PCDH15: variants seen among roughly 807,000 people sequenced by gnomAD.
The protein encoded by PCDH15 is protocadherin-15.
In PCDH15, 129 loss-of-function variants were observed where a neutral mutation model predicts 178.5. That is an observed-to-expected ratio of 0.72 (90% CI 0.63 to 0.84). PCDH15 has a LOEUF of 0.84. Ranked by LOEUF, PCDH15 falls within the 40% of genes least tolerant of loss-of-function variation. PCDH15 has a pLI of 0.00. For synonymous variants in PCDH15, 800 were observed against 732.0 expected (o/e 1.09, Z -1.50); for missense variants, 2,230 against 2,099.9 (o/e 1.06, Z -1.21).
chr10:54,196,249 T>C (rs1180756932), intron 10 of PCDH15, among the ~76,000 whole-genome samples: 1 of 152,118 alleles, frequency 6.6e-6, no homozygotes, highest in Non-Finnish European at 1.5e-5. Context: ...TTCACGCCAT[T>C]CTCCTGCCTC....
At chr10:55,562,834 A>C (rs1009220840) in intron 2 of PCDH15, among the ~76,000 whole-genome samples, 1 of 152,042 alleles carries the variant, frequency 6.6e-6, no homozygotes, top group African/African-American at 2.4e-5. Context: ...GAATTCTGGG[A>C]AGATGATGGA....
chr10:53,920,942 G>T (rs930487487), intron 25 of PCDH15, among the ~76,000 whole-genome samples: 1 of 152,082 alleles, frequency 6.6e-6, no homozygotes, highest in Non-Finnish European at 1.5e-5. Context: ...TCTTTGCTGT[G>T]TTCATTAGTC....
intron 1 of PCDH15, among the ~76,000 whole-genome samples, chr10:54,673,013 A>T (rs935980206): frequency 1.3e-5 from 2 of 151,906 alleles, no homozygotes; most frequent in African/African-American, 4.8e-5. Flanking sequence ...TACATTCCTA[A>T]TTTTTTTTCT....
At chr10:54,382,079 C>T (rs917533223) in intron 3 of PCDH15, among the ~76,000 whole-genome samples, 2 of 152,034 alleles carry the variant, frequency 1.3e-5, no homozygotes, top group Admixed American at 1.3e-4. Flanking sequence ...AAAATATTAG[C>T]ACAGTTAAAT....
In PCDH15 at chr10:54,833,038, ATTT is replaced by A. The variant is rs1297328846; in HGVS notation, c.-29+64409_-29+64411del. On this transcript the variant is annotated intron_variant, in intron 3 of 5. Coordinates refer to the PCDH15 transcript ENST00000458638. ...GACTAAGAAAAAAGCAAAATATATT[ATTT>A]ATTTACTTATTTACAATATACCAGG... 2.6e-5 allele frequency among the ~76,000 whole-genome samples: 4 copies of A among 152,124 alleles called. No homozygotes were observed. The East Asian group carries it at 7.7e-4, about 29-fold the overall frequency.
intron 2 of PCDH15, among the ~76,000 whole-genome samples, chr10:54,973,324 C>G (rs117204750): frequency 1.3e-5 from 2 of 152,258 alleles, no homozygotes; most frequent in East Asian, 3.9e-4. Flanking sequence ...AATCAGTTTT[C>G]ATTCCTTGAA....
intron 5 of PCDH15, among the ~76,000 whole-genome samples, chr10:54,358,815 G>A (rs1945492824): frequency 1.3e-5 from 2 of 151,744 alleles, no homozygotes; most frequent in Non-Finnish European, 2.9e-5. Context: ...TATACACCAT[G>A]GAATACTATG....
At chr10:54,250,841 T>C (rs2056414650) in intron 8 of PCDH15, among the ~76,000 whole-genome samples, 1 of 152,128 alleles carries the variant, frequency 6.6e-6, no homozygotes, top group South Asian at 2.1e-4. Context: ...TCCCAATCTC[T>C]CTCTCACACA....
At chr10:55,324,749 T>C (rs565172803) in intron 2 of PCDH15, among the ~76,000 whole-genome samples, 4 of 151,972 alleles carry the variant, frequency 2.6e-5, no homozygotes, top group African/African-American at 9.7e-5. Context: ...CAAATAGACA[T>C]CTACAGAAAT....
intron 25 of PCDH15, among the ~76,000 whole-genome samples, chr10:53,906,450 C>A (rs1416492991): frequency 2.6e-5 from 4 of 152,134 alleles, no homozygotes; most frequent in African/African-American, 9.7e-5. Context: ...GTATCTCCTA[C>A]ATCTATCAGT....
At chr10:54,887,423 T>C (rs1380606006) in intron 3 of PCDH15, among the ~76,000 whole-genome samples, 1 of 152,154 alleles carries the variant, frequency 6.6e-6, no homozygotes, top group Non-Finnish European at 1.5e-5. Context: ...GTTGAGATTC[T>C]AAGTGATTAT....
At position 54,445,639 on chromosome 10, in the gene PCDH15, A is replaced by G. The variant is rs1178275107; in HGVS notation, c.158-66697T>C. ...TAAACACAGTTTCTAATAAATGTCT[A>G]TTTTTTTCTGTGAAATTAAACCACT... is the stretch of plus-strand genomic sequence containing the variant. On this transcript the variant is annotated intron_variant, in intron 3 of 37. Transcript: ENST00000644397. Among the ~76,000 whole-genome samples the G allele has an allele frequency of 2.6e-5, 4 of 151,350 alleles. No individual in the cohort carries two copies. In the Admixed American group the frequency reaches 2.6e-4, roughly 10 times the overall value.
At chr10:54,004,001 A>G (rs1468696567) in intron 20 of PCDH15, among the ~76,000 whole-genome samples, 2 of 152,130 alleles carry the variant, frequency 1.3e-5, no homozygotes, top group Non-Finnish European at 2.9e-5. Flanking sequence ...AAATCAATCA[A>G]TGTGATATAT....
At chr10:54,808,848 A>G (rs1468034107) in intron 3 of PCDH15, among the ~76,000 whole-genome samples, 1 of 152,146 alleles carries the variant, frequency 6.6e-6, no homozygotes, top group African/African-American at 2.4e-5. Flanking sequence ...ATATAGAAGC[A>G]GGGATACCTT....
At chr10:54,251,822 T>G (rs2056498803) in intron 8 of PCDH15, among the ~76,000 whole-genome samples, 1 of 152,008 alleles carries the variant, frequency 6.6e-6, no homozygotes, top group South Asian at 2.1e-4. Context: ...GTTTAATTAT[T>G]TCATTTTTCT....
Position 54,148,595 on chromosome 10 carries a change from T to G in PCDH15, c.1784+4505A>C, listed in dbSNP as rs192834620. 2.6e-4 allele frequency among the ~76,000 whole-genome samples: 39 copies of G among 152,144 alleles called. No individual in the cohort carries two copies. In the East Asian group the frequency reaches 6.4e-3, roughly 25 times the overall value. On this transcript the variant is annotated intron_variant, in intron 14 of 37. Coordinates refer to ENST00000644397, the MANE Select transcript of PCDH15 (RefSeq NM_001384140.1). ...GAAGCCGTGGATATGGAGGGCCAAG[T>G]GTATATTTGCTTTTTGGATATATTA...
At chr10:53,814,527 G>C (rs370915208) in intron 35 of PCDH15, among the ~76,000 whole-genome samples, 2 of 152,240 alleles carry the variant, frequency 1.3e-5, no homozygotes, top group East Asian at 3.9e-4. Context: ...CAGCAAGATA[G>C]CCCTTGATTC....
intron 3 of PCDH15, among the ~76,000 whole-genome samples, chr10:54,417,528 A>C (rs1483377567): frequency 1.3e-5 from 2 of 152,190 alleles, no homozygotes; most frequent in African/African-American, 4.8e-5. Flanking sequence ...TTTCTTTTCA[A>C]TGATATAGAG....
intron 2 of PCDH15, among the ~76,000 whole-genome samples, chr10:55,009,856 C>A (rs781025300): frequency 9.9e-5 from 15 of 152,108 alleles, no homozygotes; most frequent in Non-Finnish European, 1.8e-4. Flanking sequence ...TTAATGGTAT[C>A]TGTTTCTCAG....
Sources: gnomAD v4.1 joint callset for allele counts (sites outside exome capture counted in the v4.1 genomes callset) on GRCh38, gnomAD v4.1.1 for gene constraint, MANE v1.5 for transcripts, NCBI Gene and HGNC (gene_info 2026-07-23, HGNC 2026-07-21) for gene names.